KIF13B: variants seen among roughly 807,000 people sequenced by gnomAD.
The protein encoded by KIF13B is kinesin-like protein KIF13B.
A neutral mutation model predicts 222.0 loss-of-function variants in KIF13B; 127 were observed. The observed-to-expected ratio is 0.57, with a 90% CI of 0.50 to 0.66. The LOEUF is 0.66. Among genes scored for constraint, KIF13B ranks in the 30% least tolerant of loss-of-function variants. KIF13B has a pLI of 0.00. For missense variants in KIF13B, 2,173 were observed against 2,379.0 expected (o/e 0.91, Z 1.80); for synonymous variants, 976 against 919.0 (o/e 1.06, Z -1.12).
At chr8:29,241,819 T>C (rs1236458274) in intron 2 of KIF13B, among the ~76,000 whole-genome samples, 4 of 152,126 alleles carry the variant, frequency 2.6e-5, no homozygotes, top group African/African-American at 9.7e-5. Context: ...CTATTTAATA[T>C]TATTGCAGTG....
chr8:29,262,760 G>T (rs1816730225), intron 1 of KIF13B, among the ~76,000 whole-genome samples: 1 of 150,232 alleles, frequency 6.7e-6, no homozygotes, highest in Non-Finnish European at 1.5e-5. Flanking sequence ...CGAGGGGCCC[G>T]ACGGCGCCAG....
At chr8:29,130,964 G>C (rs1048460175) in intron 23 of KIF13B, among the ~76,000 whole-genome samples, 3 of 152,256 alleles carry the variant, frequency 2.0e-5, no homozygotes, top group African/African-American at 7.2e-5. Flanking sequence ...ATGTACAGAA[G>C]CAGCAAGTAC....
chr8:29,245,670 G>C (rs1018812103), intron 1 of KIF13B, among the ~76,000 whole-genome samples: 3 of 152,156 alleles, frequency 2.0e-5, no homozygotes, highest in African/African-American at 4.8e-5. Context: ...TCAGGAATGA[G>C]ACAAGGATGT....
intron 1 of KIF13B, 81 bp downstream of exon 1, chr8:29,262,899 A>G (rs1587004317): frequency 9.3e-7 from 1 of 1,080,606 alleles, no homozygotes; most frequent in Non-Finnish European, 1.3e-6. Context: ...GGGCCGCCGG[A>G]CCCCCCACGG....
chr8:29,249,938 G>C (rs764332116), intron 1 of KIF13B: 1 of 833,078 alleles, frequency 1.2e-6, no homozygotes, highest in South Asian at 1.4e-5. Flanking sequence ...AATGCTGCAA[G>C]AAAGTCTCAG....
intron 2 of KIF13B, among the ~76,000 whole-genome samples, chr8:29,228,213 C>G (rs1815111998): frequency 6.6e-6 from 1 of 151,554 alleles, no homozygotes; most frequent in Non-Finnish European, 1.5e-5. Flanking sequence ...CGCCTGTAAT[C>G]TCAGCACTTT....
chr8:29,070,691 C>T lies in KIF13B; in HGVS notation c.5294G>A (p.Ser1765Asn). 1.3e-6 allele frequency: 2 copies of T among 1,561,084 alleles called. No individual in the cohort carries two copies. Among genetic ancestry groups the T allele is most frequent in the Non-Finnish European group, 1.7e-6 (2 of 1,153,098 alleles). The change falls in exon 40 of 40, where the codon AGC (serine) becomes AAC (asparagine). Residue 1765 changes from serine (S) to asparagine (N), a missense_variant. Physicochemically the swap from Ser to Asn is conservative, Grantham distance 46. Coordinates refer to ENST00000524189, the MANE Select transcript of KIF13B (RefSeq NM_015254.4). This position sits in a 1 kb window ranked among gnomAD's most constrained non-coding sequence, Gnocchi z 4.1. The stretch of plus-strand genomic sequence containing the variant: ...AGGGCCCGTGGCCCTGCGGACCCGG[C>T]TGGGCCTGACCAGCAGCCCGTAGCC... ...NPGYGLLVRP[S>N]RVRRATGPVR... is the part of the protein sequence containing the mutation.
At chr8:29,215,130 C>G (rs903228490) in intron 2 of KIF13B, among the ~76,000 whole-genome samples, 3 of 152,114 alleles carry the variant, frequency 2.0e-5, no homozygotes, top group Admixed American at 6.6e-5. Context: ...CTTTCCCGTC[C>G]TCATGAAGCC....
chr8:29,132,577 A>T, intron 22 of KIF13B, 112 bp from the exon 23 acceptor site: 1 of 650,576 alleles, frequency 1.5e-6, no homozygotes, highest in Non-Finnish European at 2.3e-6. Flanking sequence ...TAGAAAATGG[A>T]ATGTTTTAGT....
Position 29,150,314 on chromosome 8 carries a change from T to C in KIF13B, c.1605A>G (p.Gly535=). The change falls in exon 15 of 40, where the codon GGA becomes GGG. Residue 535 remains glycine (G), a synonymous_variant. Coordinates refer to ENST00000524189, the MANE Select transcript of KIF13B (RefSeq NM_015254.4). ...QLHHGDRILW[G]NNHFFRLNLP... is the part of the protein sequence containing the mutation. The stretch of plus-strand genomic sequence containing the variant: ...CATCATACCTGAAGAAATGATTGTT[T>C]CCCCATAATATCCTGTCCCCATGGT... 3 of 1,576,104 alleles carry C rather than the reference T, an allele frequency of 1.9e-6. No homozygotes were observed. Among genetic ancestry groups the C allele is most frequent in the Non-Finnish European group, 2.6e-6 (3 of 1,148,718 alleles).
intron 2 of KIF13B, among the ~76,000 whole-genome samples, chr8:29,208,339 G>A (rs1237401574): frequency 1.3e-5 from 2 of 152,156 alleles, no homozygotes; most frequent in African/African-American, 4.8e-5. Context: ...GAAAGAGGTA[G>A]CAGTCTATAT....
At chr8:29,123,795 T>C (rs1484607772) in intron 27 of KIF13B, among the ~76,000 whole-genome samples, 1 of 152,200 alleles carries the variant, frequency 6.6e-6, no homozygotes, top group Non-Finnish European at 1.5e-5. Context: ...CATGTATGCT[T>C]TGTGCACTGT....
At chr8:29,210,919 A>T (rs1814192598) in intron 2 of KIF13B, among the ~76,000 whole-genome samples, 1 of 152,196 alleles carries the variant, frequency 6.6e-6, no homozygotes, top group South Asian at 2.1e-4. Flanking sequence ...GTAAAATGAG[A>T]CCACCTGGCC....
intron 2 of KIF13B, among the ~76,000 whole-genome samples, chr8:29,205,963 C>T (rs1467972189): frequency 6.7e-6 from 1 of 149,876 alleles, no homozygotes; most frequent in Admixed American, 6.7e-5. Flanking sequence ...TAGTGGCATG[C>T]ACTTGTGGTC....
intron 10 of KIF13B, 121 bp from the exon 11 acceptor site, chr8:29,167,706 C>T: frequency 1.3e-6 from 1 of 765,396 alleles, no homozygotes; most frequent in Non-Finnish European, 2.2e-6. Flanking sequence ...AATGACAGAG[C>T]CAGGGCTAAA....
chr8:29,104,215 G>A (rs1057451241), intron 35 of KIF13B, among the ~76,000 whole-genome samples: 1 of 151,922 alleles, frequency 6.6e-6, no homozygotes, highest in South Asian at 2.1e-4. Flanking sequence ...CCCAAACCTG[G>A]CTTCAACTCG....
intron 31 of KIF13B, among the ~76,000 whole-genome samples, chr8:29,114,742 G>T (rs77544679): frequency 0.083 from 12,690 of 152,134 alleles, 671 homozygotes; most frequent in Non-Finnish European, 0.12. Context: ...GAAAAATATG[G>T]CAACCTATTG....
intron 17 of KIF13B, 131 bp downstream of exon 17, chr8:29,147,261 G>T: frequency 1.4e-6 from 1 of 703,530 alleles, no homozygotes; most frequent in African/African-American, 1.8e-5. Context: ...GTTCTTGGCT[G>T]TTAACACTTA....
chr8:29,092,982 C>A, intron 36 of KIF13B, 104 bp from the exon 37 acceptor site: 3 of 1,016,928 alleles, frequency 3.0e-6, no homozygotes, highest in South Asian at 1.9e-5. Context: ...CTAACAAAAA[C>A]CAAAGGTATC....
Sources: gnomAD v4.1 joint callset for allele counts (sites outside exome capture counted in the v4.1 genomes callset) on GRCh38, gnomAD v4.1.1 for gene constraint, Gnocchi (gnomAD v3.1) non-coding constraint, MANE v1.5 for transcripts, NCBI Gene and HGNC (gene_info 2026-07-23, HGNC 2026-07-21) for gene names.